Variants in BANP observed in about 807,000 individuals in gnomAD.
The protein encoded by BANP is BTG3 associated nuclear protein.
In BANP, 11 loss-of-function variants were observed where a neutral mutation model predicts 68.1. The observed-to-expected ratio is 0.16, with a 90% CI of 0.10 to 0.27. BANP has a LOEUF of 0.27. Among genes scored for constraint, BANP ranks in the 10% least tolerant of loss-of-function variants. BANP has a pLI of 1.00. For synonymous variants in BANP, 329 were observed against 303.2 expected (o/e 1.09, Z -0.88); for missense variants, 504 against 722.7 (o/e 0.70, Z 3.47).
intron 1 of BANP, among the ~76,000 whole-genome samples, chr16:87,954,078 T>A (rs780367358): frequency 6.6e-6 from 1 of 152,168 alleles, no homozygotes; most frequent in African/African-American, 2.4e-5. Context: ...CCTTGTTCTG[T>A]CTGAGAAGTT....
intron 6 of BANP, among the ~76,000 whole-genome samples, chr16:88,013,819 G>A (rs886625224): frequency 1.3e-5 from 2 of 152,222 alleles, no homozygotes; most frequent in African/African-American, 4.8e-5. Context: ...TGCTAATGCT[G>A]CTGGTCTGAG....
intron 10 of BANP, chr16:88,037,389 C>T (rs189430963): frequency 6.5e-6 from 1 of 153,692 alleles, no homozygotes; most frequent in East Asian, 1.9e-4. Context: ...CGTCACCATA[C>T]ATTCATACCG....
chr16:88,032,255 G>A (rs1216440538), intron 8 of BANP, among the ~76,000 whole-genome samples: 1 of 150,966 alleles, frequency 6.6e-6, no homozygotes. Context: ...AGGCTGGAGT[G>A]TAGTGGTGCC....
At chr16:88,076,536 G>T in intron 13 of BANP, 54 bp from the exon 14 acceptor site, 1 of 1,501,768 alleles carries the variant, frequency 6.7e-7, no homozygotes, top group Non-Finnish European at 9.2e-7. Flanking sequence ...ACACCCCCTG[G>T]CCATGCAGTG....
rs150368313 is a variant in BANP, at chr16:87,988,992, C to G, written c.362+4733C>G. The stretch of plus-strand genomic sequence containing the variant: ...CTGAGAGCTGATTATTCTTTCCTTT[C>G]ACTCTCTGGAACACAAGAAGGCAGT... On this transcript the variant is annotated intron_variant, in intron 4 of 13. Coordinates refer to ENST00000682872, the MANE Select transcript of BANP (RefSeq NM_001386991.1). 4.2e-3 allele frequency among the ~76,000 whole-genome samples: 644 copies of G among 152,346 alleles called. 4 individuals carry two copies. Among genetic ancestry groups the G allele is most frequent in the African/African-American group, 0.015 (624 of 41,570 alleles).
At chr16:88,024,640 A>G (rs762276193) in intron 7 of BANP, among the ~76,000 whole-genome samples, 1 of 152,204 alleles carries the variant, frequency 6.6e-6, no homozygotes, top group Non-Finnish European at 1.5e-5. Context: ...GTGCATGTTC[A>G]GATCCTCGCC....
At chr16:88,038,741 C>A (rs1215934512) in intron 11 of BANP, among the ~76,000 whole-genome samples, 1 of 152,124 alleles carries the variant, frequency 6.6e-6, no homozygotes, top group East Asian at 1.9e-4. Context: ...AGTCCACTCG[C>A]TGGTGGTTTT....
At chr16:88,035,106 G>C in intron 9 of BANP, 1 of 557,778 alleles carries the variant, frequency 1.8e-6, no homozygotes, top group Non-Finnish European at 3.3e-6. Context: ...GGTGGGGGTA[G>C]GGGGTGCTTC....
At chr16:88,054,416 TAACA>T (rs1040257264) in intron 11 of BANP, among the ~76,000 whole-genome samples, 2 of 151,532 alleles carry the variant, frequency 1.3e-5, no homozygotes, top group African/African-American at 4.9e-5. Flanking sequence ...ACAACCACCT[TAACA>T]AACACTACCA....
At chr16:88,028,579 A>C (rs1446469324) in intron 8 of BANP, among the ~76,000 whole-genome samples, 5 of 152,192 alleles carry the variant, frequency 3.3e-5, no homozygotes, top group Non-Finnish European at 7.3e-5. Flanking sequence ...CGCTTTATTG[A>C]GTGACCTGTG....
At chr16:87,993,090 G>A (rs761593100) in intron 4 of BANP, among the ~76,000 whole-genome samples, 22 of 152,244 alleles carry the variant, frequency 1.4e-4, no homozygotes, top group Non-Finnish European at 2.5e-4. Flanking sequence ...GACTAGATGG[G>A]GGTCACGGGT....
chr16:87,964,780 A>G (rs1041039737), intron 1 of BANP, among the ~76,000 whole-genome samples: 7 of 152,290 alleles, frequency 4.6e-5, no homozygotes, highest in African/African-American at 1.4e-4. Flanking sequence ...ACGAGGCCGG[A>G]TCAGGGTGAA....
intron 12 of BANP, among the ~76,000 whole-genome samples, chr16:88,069,961 TC>T (rs1223940999): frequency 6.6e-6 from 1 of 151,292 alleles, no homozygotes; most frequent in African/African-American, 2.4e-5. Flanking sequence ...TTCCTCCTCT[TC>T]CCCCCAGCCC....
chr16:88,059,269 T>TCA (rs2086040223), intron 11 of BANP, among the ~76,000 whole-genome samples: 1 of 148,550 alleles, frequency 6.7e-6, no homozygotes, highest in Non-Finnish European at 1.5e-5. Context: ...CGGGCGGAGG[T>TCA]GTGTGAAGGT....
intron 2 of BANP, among the ~76,000 whole-genome samples, chr16:87,975,574 T>C (rs1034122509): frequency 2.0e-5 from 3 of 151,038 alleles, no homozygotes; most frequent in African/African-American, 7.3e-5. Flanking sequence ...TGTAATCCCA[T>C]GTGCGGCGTC....
In BANP at chr16:88,002,451, A is replaced by G. The variant is rs2069681857; in HGVS notation, c.363-1844A>G. Among the ~76,000 whole-genome samples, 1 of 152,140 alleles carries G rather than the reference A, an allele frequency of 6.6e-6. No individual in the cohort carries two copies. Among genetic ancestry groups the G allele is most frequent in the African/African-American group, 2.4e-5 (1 of 41,418 alleles). The stretch of plus-strand genomic sequence containing the variant: ...GGTCTGTGCCCTAGGTGGATGGTGC[A>G]TCCAGTGTGTTCAGAGCAGAGGTTG... On this transcript the variant is annotated intron_variant, in intron 4 of 13. Transcript: ENST00000682872. This position sits in a 1 kb window ranked among gnomAD's most constrained non-coding sequence, Gnocchi z 4.6.
intron 10 of BANP, among the ~76,000 whole-genome samples, chr16:88,035,820 T>G (rs2079205882): frequency 6.6e-6 from 1 of 152,212 alleles, no homozygotes; most frequent in South Asian, 2.1e-4. Flanking sequence ...TCTACGGGAT[T>G]AGTGCCGATT....
intron 4 of BANP, among the ~76,000 whole-genome samples, chr16:87,988,480 T>G (rs1369792175): frequency 6.6e-6 from 1 of 152,056 alleles, no homozygotes; most frequent in African/African-American, 2.4e-5. Context: ...TTTGTCAGTC[T>G]GATCTCAAAC....
At chr16:88,070,573 G>A (rs547140346) in intron 12 of BANP, among the ~76,000 whole-genome samples, 10 of 152,274 alleles carry the variant, frequency 6.6e-5, no homozygotes, top group African/African-American at 2.4e-4. Context: ...AGGGTTGCCA[G>A]GCTTGTCTGC....
Sources: gnomAD v4.1 joint callset for allele counts (sites outside exome capture counted in the v4.1 genomes callset) on GRCh38, gnomAD v4.1.1 for gene constraint, Gnocchi (gnomAD v3.1) non-coding constraint, MANE v1.5 for transcripts, NCBI Gene and HGNC (gene_info 2026-07-23, HGNC 2026-07-21) for gene names.